The following EPHA6 variants were observed in gnomAD, a reference collection of about 807,000 sequenced individuals.
EPHA6 encodes EPH receptor A6, also known as ephrin type-A receptor 6.
Under a neutral mutation model 112.0 loss-of-function variants are expected in EPHA6, and 50 were observed. The observed-to-expected ratio is 0.45, with a 90% CI of 0.36 to 0.56. The LOEUF is 0.56. EPHA6 is among the 20% of genes least tolerant of loss of function. EPHA6 has a pLI of 0.00. For synonymous variants in EPHA6, 529 were observed against 490.7 expected (o/e 1.08, Z -1.03); for missense variants, 1,280 against 1,417.4 (o/e 0.90, Z 1.56).
chr3:97,689,480 G>A lies in EPHA6; in HGVS notation c.2785-30781G>A, dbSNP rs577839560. Among the ~76,000 whole-genome samples the A allele has an allele frequency of 6.6e-5, 10 of 152,134 alleles. 1 individual carries two copies. Among genetic ancestry groups the A allele is most frequent in the Non-Finnish European group, 1.2e-4 (8 of 68,028 alleles). ...GGCGGGGTGGGCTTGCCTGTAATGC[G>A]GTAGGCAGGCCTCTCTATGGCCCTG... is the stretch of plus-strand genomic sequence containing the variant. On this transcript the variant is annotated intron_variant, in intron 14 of 17. Transcript: ENST00000389672.
intron 3 of EPHA6, among the ~76,000 whole-genome samples, chr3:97,157,766 A>T (rs1351963849): frequency 6.6e-6 from 1 of 152,108 alleles, no homozygotes; most frequent in Non-Finnish European, 1.5e-5. Context: ...GTTCCTTCTT[A>T]CTCAGACTTT....
At chr3:97,220,636 C>T (rs745699426) in intron 3 of EPHA6, among the ~76,000 whole-genome samples, 6 of 152,144 alleles carry the variant, frequency 3.9e-5, no homozygotes, top group Non-Finnish European at 7.3e-5. Flanking sequence ...TGAGAACTCA[C>T]TCAATATCAC....
chr3:97,525,349 G>A (rs1024060567), intron 10 of EPHA6, among the ~76,000 whole-genome samples: 3 of 151,718 alleles, frequency 2.0e-5, no homozygotes, highest in African/African-American at 4.8e-5. Context: ...TCTTTTCCAC[G>A]GTTTCTATAT....
intron 7 of EPHA6, among the ~76,000 whole-genome samples, chr3:97,454,751 C>T (rs564467381): frequency 1.3e-5 from 2 of 151,992 alleles, no homozygotes; most frequent in East Asian, 3.9e-4. Flanking sequence ...TTGGTTGAAG[C>T]ACAATCTGTA....
chr3:97,475,136 C>A (rs59409786), intron 7 of EPHA6, among the ~76,000 whole-genome samples: 11 of 151,676 alleles, frequency 7.3e-5, no homozygotes, highest in African/African-American at 2.7e-4. Flanking sequence ...AGAAAGAGGA[C>A]AGGTTTATGT....
At chr3:97,638,778 A>G (rs2107560830) in intron 14 of EPHA6, among the ~76,000 whole-genome samples, 1 of 152,226 alleles carries the variant, frequency 6.6e-6, no homozygotes, top group Admixed American at 6.5e-5. Context: ...TGCTATCTTC[A>G]AGCTACTAAT....
intron 5 of EPHA6, among the ~76,000 whole-genome samples, chr3:97,251,322 A>T (rs1330915648): frequency 6.6e-6 from 1 of 152,030 alleles, no homozygotes; most frequent in East Asian, 2.0e-4. Context: ...CGAGGTCAGG[A>T]GATCGAGACC....
intron 1 of EPHA6, among the ~76,000 whole-genome samples, chr3:96,852,750 G>T (rs904533711): frequency 6.6e-6 from 1 of 152,080 alleles, no homozygotes; most frequent in Non-Finnish European, 1.5e-5. Context: ...ATGAGGAGAT[G>T]CAGATGCAGA....
intron 11 of EPHA6, among the ~76,000 whole-genome samples, chr3:97,554,722 A>G (rs1375358095): frequency 5.9e-5 from 9 of 151,856 alleles, no homozygotes; most frequent in African/African-American, 1.9e-4. Context: ...TACATTAAGA[A>G]CAGTTCCTTG....
intron 7 of EPHA6, among the ~76,000 whole-genome samples, chr3:97,462,090 T>A (rs951529557): frequency 5.9e-5 from 9 of 152,206 alleles, no homozygotes; most frequent in Admixed American, 1.3e-4. Context: ...TTGGACTATC[T>A]GTAAGTAAAT....
Position 97,632,183 on chromosome 3 carries a change from A to T in EPHA6, c.2575-5690A>T, listed in dbSNP as rs554092297. 3.9e-5 allele frequency among the ~76,000 whole-genome samples: 6 copies of T among 152,172 alleles called. No homozygotes were observed. The East Asian group carries it at 7.7e-4, about 20-fold the overall frequency. Reference sequence around the variant, plus strand: ...AAATATGACTTTTCATTAAAAATACATCAAGAGAATATCTTACCGCATACT... The same window carrying T: ...AAATATGACTTTTCATTAAAAATACTTCAAGAGAATATCTTACCGCATACT... On this transcript the variant is annotated intron_variant, in intron 13 of 17. Transcript: ENST00000389672.
At chr3:96,886,715 G>C (rs1283248382) in intron 2 of EPHA6, among the ~76,000 whole-genome samples, 1 of 152,080 alleles carries the variant, frequency 6.6e-6, no homozygotes, top group Admixed American at 6.6e-5. Flanking sequence ...TTGCATTCAT[G>C]CTGTTTGCTG....
chr3:96,947,263 T>C lies in EPHA6; in HGVS notation c.451-40067T>C, dbSNP rs548975751. On this transcript the variant is annotated intron_variant, in intron 2 of 17. Coordinates refer to ENST00000389672, the MANE Select transcript of EPHA6 (RefSeq NM_001080448.3). ...GACATGAAGTCCTTGCCTATGCCTA[T>C]GTCTTGAATGGTATTGCCTAGGTTT... Among the ~76,000 whole-genome samples, 9 of 152,342 alleles carry C rather than the reference T, an allele frequency of 5.9e-5. No individual in the cohort carries two copies. The South Asian group carries it at 1.4e-3, about 25-fold the overall frequency.
chr3:97,635,266 T>A (rs34840094), intron 13 of EPHA6, among the ~76,000 whole-genome samples: 4,377 of 152,198 alleles, frequency 0.029, 91 homozygotes, highest in Non-Finnish European at 0.045. Flanking sequence ...ATCTTATTTT[T>A]AAAATGATAC....
intron 3 of EPHA6, among the ~76,000 whole-genome samples, chr3:97,021,369 A>T (rs928055654): frequency 6.6e-6 from 1 of 151,972 alleles, no homozygotes; most frequent in Non-Finnish European, 1.5e-5. Context: ...CTACACCTTC[A>T]TCTCCAACAT....
chr3:97,356,189 C>T (rs969284263), intron 5 of EPHA6, among the ~76,000 whole-genome samples: 7 of 152,190 alleles, frequency 4.6e-5, no homozygotes, highest in African/African-American at 1.7e-4. Flanking sequence ...TCACAAGCTC[C>T]TTATGAGAAT....
intron 3 of EPHA6, among the ~76,000 whole-genome samples, chr3:97,010,706 G>T (rs2044053925): frequency 6.6e-6 from 1 of 151,906 alleles, no homozygotes; most frequent in Non-Finnish European, 1.5e-5. Flanking sequence ...TGTTGCCCAG[G>T]CTGGAGTGCG....
At chr3:96,991,843 A>G (rs6801880) in intron 3 of EPHA6, among the ~76,000 whole-genome samples, 1,998 of 152,286 alleles carry the variant, frequency 0.013, 47 homozygotes, top group African/African-American at 0.044. Context: ...CACATGGAAC[A>G]GGGGCAGGAT....
intron 4 of EPHA6, among the ~76,000 whole-genome samples, chr3:97,237,463 T>G (rs2078713620): frequency 6.6e-6 from 1 of 151,944 alleles, no homozygotes; most frequent in South Asian, 2.1e-4. Context: ...TTTCCTCTAT[T>G]ATAAGGCCAT....
Sources: gnomAD v4.1 joint callset for allele counts (sites outside exome capture counted in the v4.1 genomes callset) on GRCh38, gnomAD v4.1.1 for gene constraint, MANE v1.5 for transcripts, NCBI Gene and HGNC (gene_info 2026-07-23, HGNC 2026-07-21) for gene names.